DOK3: variants seen among roughly 807,000 people sequenced by gnomAD.
DOK3 encodes the protein Dok-like protein.
Under a neutral mutation model 26.2 loss-of-function variants are expected in DOK3, and 23 were observed. The ratio of observed to expected loss-of-function variants is 0.88; its 90% CI spans 0.63 to 1.24. The LOEUF is 1.24. Among genes scored for constraint, DOK3 ranks in the 50% most tolerant of loss-of-function variants. The probability of loss-of-function intolerance (pLI) is 0.00; values close to 1 mark genes in which losing one functional copy is unlikely to be tolerated. For missense variants in DOK3, 619 were observed against 610.6 expected, an observed-to-expected ratio of 1.01 and a Z score of -0.15; for synonymous variants, 268 against 268.2, an observed-to-expected ratio of 1.00 and a Z score of 0.01.
chr5:177,509,949 A>T, upstream of DOK3: 1 of 1,496,554 alleles, frequency 6.7e-7, no homozygotes, highest in African/African-American at 1.4e-5. Flanking sequence ...TCTCTAGCCA[A>T]CTCCTGGCTT....
chr5:177,509,573 G>A lies in DOK3; in HGVS notation c.-33C>T, dbSNP rs185019749. On this transcript the variant is annotated 5_prime_UTR_variant, in exon 2 of 6. Transcript: ENST00000510898. ...GCCAGGAGCAGGGCCGCCGCTTCAA[G>A]ACCTGGGGAGACTGATGACAGGCTG... is the stretch of plus-strand genomic sequence containing the variant. The A allele has an allele frequency of 6.2e-7, 1 of 1,608,704 alleles. No individual in the cohort carries two copies. Among genetic ancestry groups the A allele is most frequent in the East Asian group, 2.2e-5 (1 of 44,868 alleles).
chr5:177,504,323 A>C lies in DOK3; in HGVS notation c.983T>G (p.Val328Gly). 2 of 1,600,190 alleles carry C rather than the reference A, an allele frequency of 1.2e-6. No homozygotes were observed. Among genetic ancestry groups the C allele is most frequent in the Non-Finnish European group, 8.5e-7 (1 of 1,171,882 alleles). ...TGGGGGCCCACTGGCACGCTTGCAC[A>C]CTGAAGCGTAGAGCCCGGACGCCAG... ...NDLASGLYAS[V>G]CKRASGPPGN... The change falls in exon 6 of 6, where the codon GTG becomes GGG. Residue 328 changes from valine (V) to glycine (G), a missense_variant. Physicochemically the swap from Val to Gly is moderately radical, Grantham distance 109 (BLOSUM62 -3). Coordinates refer to ENST00000510898, the MANE Select transcript of DOK3 (RefSeq NM_001308236.3).
rs1183482538 is a variant in DOK3, at chr5:177,506,443, G to A, written c.373-1333C>T. 4.1e-5 allele frequency among the ~76,000 whole-genome samples: 6 copies of A among 147,904 alleles called. No homozygotes were observed. The Admixed American group carries it at 4.1e-4, about 10-fold the overall frequency. The stretch of plus-strand genomic sequence containing the variant: ...CCTCCCAGACTCAAGCAATTCTGCT[G>A]CCTCAGCCTCTCAAGTAGTAGCTGG... On this transcript the variant is annotated intron_variant, in intron 3 of 5. Coordinates refer to ENST00000510898, the MANE Select transcript of DOK3 (RefSeq NM_001308236.3).
chr5:177,508,218 C>A lies in DOK3; in HGVS notation c.372+19G>T, dbSNP rs1326168295. ...GGCAGGTGCCCCAGCCCAATCGCCC[C>A]CCTGCTCGCCGCACTCACCGGGAAG... On this transcript the variant is annotated intron_variant, in intron 3 of 5. Transcript: ENST00000510898. The A allele has an allele frequency of 6.8e-7, 1 of 1,461,452 alleles. No homozygotes were observed. Among genetic ancestry groups the A allele is most frequent in the Non-Finnish European group, 9.1e-7 (1 of 1,101,704 alleles). The allele number at this position is 1,461,452 out of a possible 1,614,324, so 90.5% of individuals were successfully genotyped here.
Position 177,504,088 on chromosome 5 carries a change from C to T in DOK3, c.1218G>A (p.Val406=), listed in dbSNP as rs1427960361. 1 of 1,612,162 alleles carries T rather than the reference C, an allele frequency of 6.2e-7. No homozygotes were observed. Among genetic ancestry groups the T allele is most frequent in the Admixed American group, 1.7e-5 (1 of 59,860 alleles). ...GAGGGTCAGGGCGGCCTGTGCCCTCCACCTGATCCAGCTCCAGCAGCCGCC... is the reference window on the plus strand; with the variant it reads ...GAGGGTCAGGGCGGCCTGTGCCCTCTACCTGATCCAGCTCCAGCAGCCGCC... ...QYRRLLELDQ[V]EGTGRPDPQA... is the part of the protein sequence containing the mutation. The change falls in exon 6 of 6, where the codon GTG becomes GTA. Residue 406 remains valine, a synonymous_variant. Transcript: ENST00000510898.
intron 2 of DOK3, chr5:177,509,193 G>A (rs79999495): frequency 5.1e-6 from 2 of 394,268 alleles, no homozygotes; most frequent in East Asian, 1.0e-4. Context: ...GTCAGAGGCT[G>A]TGAAGCTCTT....
At position 177,503,604 on chromosome 5, in the gene DOK3, A is replaced by G; in HGVS notation, c.*379T>C. On this transcript the variant is annotated 3_prime_UTR_variant, in exon 6 of 6. Transcript: ENST00000510898. ...TTCGTGTCACTCGGCCGTGCAGAGC[A>G]ACATGGAGTCCTAATGATTTCCATC... The G allele has an allele frequency of 3.1e-6, 4 of 1,281,886 alleles. No homozygotes were observed. Among genetic ancestry groups the G allele is most frequent in the Non-Finnish European group, 4.1e-6 (4 of 966,022 alleles). The allele number at this position is 1,281,886 out of a possible 1,614,324, so 79.4% of individuals were successfully genotyped here.
At position 177,504,060 on chromosome 5, in the gene DOK3, C is replaced by T; in HGVS notation, c.1246G>A (p.Ala416Thr). 1.2e-6 allele frequency: 2 copies of T among 1,605,042 alleles called. No individual in the cohort carries two copies. Residue 416 changes from alanine to threonine, a missense_variant, in exon 6 of 6, where the codon GCA becomes ACA. Ala to Thr is a moderately conservative substitution (Grantham distance 58, BLOSUM62 0). Transcript: ENST00000510898. Reference protein sequence around the residue: ...VEGTGRPDPQAGFKAKLVTLL... With the variant: ...VEGTGRPDPQTGFKAKLVTLL... ...GTCACCAGCTTGGCCTTGAAACCTG[C>T]CTGAGGGTCAGGGCGGCCTGTGCCC... is the stretch of plus-strand genomic sequence containing the variant.
At position 177,503,981 on chromosome 5, in the gene DOK3, G is replaced by A. The variant is rs1006459214; in HGVS notation, c.*2C>T. On this transcript the variant is annotated 3_prime_UTR_variant, in exon 6 of 6. Coordinates refer to ENST00000510898, the MANE Select transcript of DOK3 (RefSeq NM_001308236.3). ...CCCTCTGGCCACCACTCTGCTGGGC[G>A]TTCAGGGCCGGTCACAAGGGGCTGG... 5.8e-6 allele frequency: 9 copies of A among 1,542,136 alleles called. No individual in the cohort carries two copies. Among genetic ancestry groups the A allele is most frequent in the Non-Finnish European group, 7.9e-6 (9 of 1,144,460 alleles).
At chr5:177,505,800 G>A (rs948482552) in intron 3 of DOK3, among the ~76,000 whole-genome samples, 8 of 151,808 alleles carry the variant, frequency 5.3e-5, no homozygotes, top group Admixed American at 2.0e-4. Context: ...GCAGTGGCGC[G>A]ATCTTGGCTC....
At chr5:177,509,985 G>A (rs921085334), upstream of DOK3, 27 of 1,166,526 alleles carry the variant, frequency 2.3e-5, no homozygotes, top group African/African-American at 2.1e-4. Context: ...TGGTTTGAGC[G>A]CCTCACCCCA....
Position 177,504,219 on chromosome 5 carries a change from C to T in DOK3, c.1087G>A (p.Glu363Lys), listed in dbSNP as rs373972339. Residue 363 changes from glutamate to lysine, a missense_variant, in exon 6 of 6, where the codon GAG becomes AAG. Coordinates refer to ENST00000510898, the MANE Select transcript of DOK3 (RefSeq NM_001308236.3). ...TLHGGEPEPH[E>K]GPGSRSPTTS... ...GTGGGGCTGCGGCTGCCGGGGCCCTCGTGCGGCTCAGGTTCCCCACCGTGC... is the reference window on the plus strand; with the variant it reads ...GTGGGGCTGCGGCTGCCGGGGCCCTTGTGCGGCTCAGGTTCCCCACCGTGC... The T allele has an allele frequency of 1.5e-5, 24 of 1,612,258 alleles. 1 individual carries two copies. The highest frequency in any genetic ancestry group is 1.6e-4 in the Middle Eastern group (1 of 6,080).
In DOK3 at chr5:177,504,243, G is replaced by A; in HGVS notation, c.1063C>T (p.His355Tyr). Residue 355 changes from histidine (H) to tyrosine (Y), a missense_variant, in exon 6 of 6, where the codon CAC (histidine) becomes TAC (tyrosine). Transcript: ENST00000510898. ...LCVLEASPTL[H>Y]GGEPEPHEGP... Reference sequence around the variant, plus strand: ...TCGTGCGGCTCAGGTTCCCCACCGTGCAGCGTGGGGCTGGCCTCCAGCACA... The same window carrying A: ...TCGTGCGGCTCAGGTTCCCCACCGTACAGCGTGGGGCTGGCCTCCAGCACA... 6.2e-7 allele frequency: 1 copy of A among 1,610,938 alleles called. No homozygotes were observed. Among genetic ancestry groups the A allele is most frequent in the Non-Finnish European group, 8.5e-7 (1 of 1,178,604 alleles).
rs1230569238 is a variant in DOK3, at chr5:177,503,525, G to A, written c.*458C>T. 1 of 1,427,350 alleles carries A rather than the reference G, an allele frequency of 7.0e-7. No individual in the cohort carries two copies. Among genetic ancestry groups the A allele is most frequent in the Non-Finnish European group, 9.2e-7 (1 of 1,090,700 alleles). 88.4% of individuals were successfully genotyped at this position (1,427,350 alleles called of 1,614,324 possible). ...TCCGGGTCTCCAGTTGGGCCCTCATGTTGCTCCTTCCTGAGTCTGACAAGT... is the reference window on the plus strand; with the variant it reads ...TCCGGGTCTCCAGTTGGGCCCTCATATTGCTCCTTCCTGAGTCTGACAAGT... On this transcript the variant is annotated 3_prime_UTR_variant, in exon 6 of 6. Coordinates refer to ENST00000510898, the MANE Select transcript of DOK3 (RefSeq NM_001308236.3).
intron 3 of DOK3, among the ~76,000 whole-genome samples, chr5:177,506,719 G>C (rs1262440098): frequency 7.2e-5 from 6 of 83,496 alleles, no homozygotes; most frequent in Non-Finnish European, 1.3e-4. Flanking sequence ...ACGGAGTTTT[G>C]CTCTCGTTGC....
Position 177,508,508 on chromosome 5 carries a change from G to C in DOK3, c.101C>G (p.Ala34Gly). The C allele has an allele frequency of 1.3e-6, 2 of 1,579,768 alleles. No individual in the cohort carries two copies. Among genetic ancestry groups the C allele is most frequent in the South Asian group, 2.3e-5 (2 of 87,048 alleles). Reference protein sequence around the residue: ...CWRKVWALLYAGGPSGVARLE... With the variant: ...CWRKVWALLYGGGPSGVARLE... Reference sequence around the variant, plus strand: ...CCGTGCCACGCCTGATGGGCCTCCTGCATACAGCAGAGCCCACACCTTCCG... The same window carrying C: ...CCGTGCCACGCCTGATGGGCCTCCTCCATACAGCAGAGCCCACACCTTCCG... The change falls in exon 3 of 6, where the codon GCA becomes GGA. Residue 34 changes from alanine to glycine, a missense_variant. Ala to Gly is a moderately conservative substitution (Grantham distance 60). Transcript: ENST00000510898.
Position 177,508,527 on chromosome 5 carries a change from C to T in DOK3, c.82G>A (p.Val28Met). Reference protein sequence around the residue: ...VKFGKKCWRKVWALLYAGGPS... With the variant: ...VKFGKKCWRKMWALLYAGGPS... Reference sequence around the variant, plus strand: ...CCTCCTGCATACAGCAGAGCCCACACCTTCCGCCAGCACTTCTGCGGGAGG... The same window carrying T: ...CCTCCTGCATACAGCAGAGCCCACATCTTCCGCCAGCACTTCTGCGGGAGG... Residue 28 changes from valine to methionine, a missense_variant, in exon 3 of 6, where the codon GTG becomes ATG. Transcript: ENST00000510898. The T allele has an allele frequency of 6.4e-7, 1 of 1,551,194 alleles. No individual in the cohort carries two copies. The highest frequency in any genetic ancestry group is 8.8e-7 in the Non-Finnish European group (1 of 1,140,580).
rs917212121 is a variant in DOK3 at position 177,503,196 on chromosome 5, T to C, written c.*787A>G. ...GAGGAGGGAACGCAGCATGGAAGTCTTCAGGAAACTTCTCTCCCCCTGGAA... is the reference window on the plus strand; with the variant it reads ...GAGGAGGGAACGCAGCATGGAAGTCCTCAGGAAACTTCTCTCCCCCTGGAA... On this transcript the variant is annotated 3_prime_UTR_variant, in exon 6 of 6. Transcript: ENST00000510898. The C allele has an allele frequency of 1.9e-5, 29 of 1,551,460 alleles. No individual in the cohort carries two copies. The highest frequency in any genetic ancestry group is 2.2e-5 in the Non-Finnish European group (25 of 1,146,936).
upstream of DOK3, chr5:177,510,153 T>C: frequency 1.9e-6 from 1 of 527,682 alleles, no homozygotes; most frequent in Non-Finnish European, 3.4e-6. Context: ...GACCAACCTG[T>C]CTCTCCCCTT....
Sources: allele counts gnomAD v4.1 joint callset (sites outside exome capture counted in the v4.1 genomes callset), GRCh38; gene constraint gnomAD v4.1.1; transcripts MANE v1.5; gene names NCBI Gene and HGNC (gene_info 2026-07-23, HGNC 2026-07-21).